IPO5: variants seen among roughly 807,000 people sequenced by gnomAD.
IPO5 encodes importin 5, also known as importin-5.
IPO5 carries 18 observed loss-of-function variants against 143.3 expected under a neutral mutation model. That is an observed-to-expected ratio of 0.13 (90% CI 0.09 to 0.19). The LOEUF (loss-of-function observed/expected upper bound fraction) is 0.19, where lower values mean the gene tolerates loss of function less well. Ranked by LOEUF, IPO5 falls within the 10% of genes least tolerant of loss-of-function variation. The pLI is 1.00. For missense variants in IPO5, 1,013 were observed against 1,336.9 expected (o/e 0.76, Z 3.78); for synonymous variants, 477 against 465.7 (o/e 1.02, Z -0.31).
chr13:98,007,469 A>G (rs1485540221), intron 17 of IPO5: 1 of 152,208 alleles, frequency 6.6e-6, no homozygotes, highest in African/African-American at 2.4e-5. Context: ...TTGAATCCTC[A>G]TGTTCTGACC....
rs1322238843 is a variant in IPO5 at position 97,990,233 on chromosome 13, T to A, written c.564+11T>A. ...CAGGAACACCCGTCGGTAAATAATT[T>A]CAATCCTATTAATATAACCATCTAT... On this transcript the variant is annotated intron_variant, in intron 8 of 28. Transcript: ENST00000651721. 2.0e-5 allele frequency: 31 copies of A among 1,531,540 alleles called. No homozygotes were observed. Among genetic ancestry groups the A allele is most frequent in the Non-Finnish European group, 2.3e-5 (25 of 1,106,650 alleles). The allele number at this position is 1,531,540 out of a possible 1,614,324, so 94.9% of individuals were successfully genotyped here. A position where few individuals can be genotyped will look rare whatever the true frequency, so the allele number is the denominator to read the frequency against.
At position 97,993,083 on chromosome 13, in the gene IPO5, TAC is replaced by T. The variant is rs1887936906; in HGVS notation, c.793-20_793-19del. ...GGACTAATCTAAATTATTAAATGTATACAAATATGTCTTCTTTGTAGTTGTGT... is the reference window on the plus strand; with the variant it reads ...GGACTAATCTAAATTATTAAATGTATAAATATGTCTTCTTTGTAGTTGTGT... On this transcript the variant is annotated intron_variant, in intron 10 of 28. Coordinates refer to ENST00000651721, the MANE Select transcript of IPO5 (RefSeq NM_002271.6). 1.2e-6 allele frequency: 2 copies of T among 1,613,482 alleles called. No individual in the cohort carries two copies. Among genetic ancestry groups the T allele is most frequent in the Admixed American group, 3.3e-5 (2 of 59,972 alleles).
In IPO5 at chr13:98,021,095, T is replaced by C; in HGVS notation, c.3169T>C (p.Cys1057Arg). The C allele has an allele frequency of 6.2e-7, 1 of 1,610,192 alleles. No individual in the cohort carries two copies. Among genetic ancestry groups the C allele is most frequent in the Non-Finnish European group, 8.5e-7 (1 of 1,178,766 alleles). Reference sequence around the variant, plus strand: ...CGAGGCAATTAAACATGAAGATCCTTGTGCCAAACGTCTGGCCAATGTCGT... The same window carrying C: ...CGAGGCAATTAAACATGAAGATCCTCGTGCCAAACGTCTGGCCAATGTCGT... ...MHEAIKHEDP[C>R]AKRLANVVRQ... Residue 1057 changes from cysteine to arginine, a missense_variant, in exon 28 of 29, where the codon TGT (cysteine) becomes CGT (arginine). Physicochemically the swap from Cys to Arg is radical, Grantham distance 180. Transcript: ENST00000651721.
intron 16 of IPO5, 129 bp downstream of exon 16, chr13:98,003,166 G>A: frequency 1.4e-6 from 1 of 732,632 alleles, no homozygotes; most frequent in Admixed American, 2.5e-5. Flanking sequence ...AACTGAGGAG[G>A]CTATTCGGAG....
chr13:98,003,632 C>T (rs1340578430), intron 16 of IPO5, among the ~76,000 whole-genome samples: 3 of 151,986 alleles, frequency 2.0e-5, no homozygotes, highest in Non-Finnish European at 4.4e-5. Flanking sequence ...GGTGGATCAC[C>T]TGAGGTCAGG....
At chr13:97,995,805 T>A (rs967588730) in intron 11 of IPO5, among the ~76,000 whole-genome samples, 1 of 152,138 alleles carries the variant, frequency 6.6e-6, no homozygotes, top group African/African-American at 2.4e-5. Context: ...AAGACCTGAA[T>A]ATTACCTTGC....
intron 27 of IPO5, 97 bp downstream of exon 27, chr13:98,019,906 C>A: frequency 1.3e-6 from 1 of 751,534 alleles, no homozygotes. Context: ...ACCACATGAT[C>A]TCTGCACAGT....
At chr13:97,965,120 C>T (rs1174821991) in intron 2 of IPO5, among the ~76,000 whole-genome samples, 2 of 152,214 alleles carry the variant, frequency 1.3e-5, no homozygotes, top group Non-Finnish European at 2.9e-5. Flanking sequence ...TGTTCTCACT[C>T]ATAAGTGGGA....
intron 2 of IPO5, among the ~76,000 whole-genome samples, chr13:97,961,719 T>C (rs1313410835): frequency 6.6e-6 from 1 of 152,244 alleles, no homozygotes; most frequent in Admixed American, 6.5e-5. Flanking sequence ...GCCATTTGTA[T>C]ATTTTCTCTG....
intron 3 of IPO5, among the ~76,000 whole-genome samples, chr13:97,970,933 T>C (rs574162349): frequency 1.8e-4 from 27 of 152,360 alleles, no homozygotes; most frequent in African/African-American, 5.8e-4. Context: ...ACAGCCACTA[T>C]CTATTAAGCA....
intron 6 of IPO5, among the ~76,000 whole-genome samples, chr13:97,988,295 T>C (rs1887541431): frequency 6.6e-6 from 1 of 152,260 alleles, no homozygotes; most frequent in East Asian, 1.9e-4. Flanking sequence ...GCACCCTGTA[T>C]GGGTCCTGAG....
At chr13:97,998,799 C>T (rs1006969354) in intron 12 of IPO5, among the ~76,000 whole-genome samples, 3 of 152,068 alleles carry the variant, frequency 2.0e-5, no homozygotes, top group Admixed American at 1.3e-4. Context: ...GGGTTAATTA[C>T]CATTGTTTTC....
chr13:97,993,231 T>C lies in IPO5; in HGVS notation c.913+6T>C, dbSNP rs767646421. On this transcript the variant is annotated splice_donor_region_variant and intron_variant, in intron 11 of 28. Coordinates refer to ENST00000651721, the MANE Select transcript of IPO5 (RefSeq NM_002271.6). ...CAATATTGTTGCACAGACTAGTAAGTCAATGGTCTTCAGATAGTTTATGTG... is the reference window on the plus strand; with the variant it reads ...CAATATTGTTGCACAGACTAGTAAGCCAATGGTCTTCAGATAGTTTATGTG... 24 of 1,612,696 alleles carry C rather than the reference T, an allele frequency of 1.5e-5. No individual in the cohort carries two copies. Among genetic ancestry groups the C allele is most frequent in the Non-Finnish European group, 2.0e-5 (24 of 1,179,610 alleles).
rs1355172947 is a variant in IPO5, at chr13:98,022,700, G to T, written c.*878G>T. On this transcript the variant is annotated 3_prime_UTR_variant, in exon 29 of 29. Coordinates refer to ENST00000651721, the MANE Select transcript of IPO5 (RefSeq NM_002271.6). The stretch of plus-strand genomic sequence containing the variant: ...GATACCTATTCCATTCACAATTGGT[G>T]TTCTTTTTAAGGTTTGCAAATTTCA... 1 of 152,114 alleles carries T rather than the reference G, an allele frequency of 6.6e-6. No individual in the cohort carries two copies. The allele number at this position is 152,114 out of a possible 1,614,324, so 9.4% of individuals were successfully genotyped here. A position where few individuals can be genotyped will look rare whatever the true frequency, so the allele number is the denominator to read the frequency against.
intron 8 of IPO5, 89 bp downstream of exon 8, chr13:97,990,311 T>C (rs1428999690): frequency 8.5e-7 from 1 of 1,176,552 alleles, no homozygotes; most frequent in East Asian, 2.4e-5. Context: ...TTTTCACTTT[T>C]ATACTTTAAA....
intron 8 of IPO5, 49 bp from the exon 9 acceptor site, chr13:97,990,384 C>T (rs1191397729): frequency 1.0e-5 from 14 of 1,373,932 alleles, no homozygotes; most frequent in East Asian, 2.3e-5. Context: ...CTTGAATTTG[C>T]GTTTATCAAA....
intron 11 of IPO5, among the ~76,000 whole-genome samples, chr13:97,993,645 T>C (rs1385724042): frequency 6.6e-6 from 1 of 152,234 alleles, no homozygotes; most frequent in Non-Finnish European, 1.5e-5. Flanking sequence ...CTCTGTTCAC[T>C]ATATTACATT....
rs184097938 is a variant in IPO5 at position 97,998,297 on chromosome 13, C to T, written c.1001+679C>T. Among the ~76,000 whole-genome samples, 740 of 152,194 alleles carry T rather than the reference C, an allele frequency of 4.9e-3. 3 individuals carry two copies. Among genetic ancestry groups the T allele is most frequent in the African/African-American group, 0.017 (707 of 41,544 alleles). On this transcript the variant is annotated intron_variant, in intron 12 of 28. Coordinates refer to ENST00000651721, the MANE Select transcript of IPO5 (RefSeq NM_002271.6). Reference sequence around the variant, plus strand: ...GCCAAGTATCTATGTTTTTAACTGTCGTACTCTAAATTATTTCCAAGTTTT... The same window carrying T: ...GCCAAGTATCTATGTTTTTAACTGTTGTACTCTAAATTATTTCCAAGTTTT...
chr13:98,006,490 T>TCA (rs1889264810), intron 17 of IPO5, 142 bp downstream of exon 17: 1 of 555,258 alleles, frequency 1.8e-6, no homozygotes, highest in Non-Finnish European at 3.0e-6. Context: ...TTCTCCTGCC[T>TCA]CAGCCTCCCG....
Sources: allele counts gnomAD v4.1 joint callset (sites outside exome capture counted in the v4.1 genomes callset), GRCh38; gene constraint gnomAD v4.1.1; transcripts MANE v1.5; gene names NCBI Gene and HGNC (gene_info 2026-07-23, HGNC 2026-07-21).